Variants in PAN3 observed in about 807,000 individuals in gnomAD.
The protein encoded by PAN3 is poly(A) specific ribonuclease subunit PAN3, also known as PAN2-PAN3 deadenylation complex subunit PAN3.
PAN3 carries 19 observed loss-of-function variants against 96.2 expected under a neutral mutation model. That is an observed-to-expected ratio of 0.20 (90% CI 0.14 to 0.29). PAN3 has a LOEUF of 0.29. Ranked by LOEUF, PAN3 falls within the 10% of genes least tolerant of loss-of-function variation. The pLI is 1.00. For missense variants in PAN3, 882 were observed against 1,108.1 expected (o/e 0.80, Z 2.90); for synonymous variants, 433 against 406.6 (o/e 1.06, Z -0.78).
chr13:28,241,329 T>C (rs1466456309), intron 6 of PAN3, among the ~76,000 whole-genome samples: 1 of 152,218 alleles, frequency 6.6e-6, no homozygotes, highest in East Asian at 1.9e-4. Flanking sequence ...GCATATAGTA[T>C]ATAGTCATCT....
chr13:28,235,794 C>T (rs2138468005), intron 6 of PAN3, among the ~76,000 whole-genome samples: 1 of 151,634 alleles, frequency 6.6e-6, no homozygotes, highest in Non-Finnish European at 1.5e-5. Flanking sequence ...TCGATTGTAG[C>T]TCACTGCACC....
Position 28,292,525 on chromosome 13 carries a change from T to C in PAN3, c.*3T>C. 1 of 1,603,086 alleles carries C rather than the reference T, an allele frequency of 6.2e-7. No homozygotes were observed. The highest frequency in any genetic ancestry group is 8.5e-7 in the Non-Finnish European group (1 of 1,175,878). On this transcript the variant is annotated 3_prime_UTR_variant, in exon 19 of 19. Coordinates refer to ENST00000380958, the MANE Select transcript of PAN3 (RefSeq NM_175854.8). ...CAGCTGCAAATGGTCAGTTGTAGTA[T>C]TTGCTAAAAAAGCACGCAGGACATG... is the stretch of plus-strand genomic sequence containing the variant.
chr13:28,236,227 A>G (rs1883094848), intron 6 of PAN3, among the ~76,000 whole-genome samples: 1 of 152,156 alleles, frequency 6.6e-6, no homozygotes, highest in South Asian at 2.1e-4. Flanking sequence ...CGATATCTTC[A>G]ATTTTTAGAA....
At chr13:28,193,802 A>G (rs1291267501) in intron 4 of PAN3, among the ~76,000 whole-genome samples, 2 of 151,096 alleles carry the variant, frequency 1.3e-5, no homozygotes, top group African/African-American at 2.4e-5. Context: ...TTTTTTTTCA[A>G]TGTTGTTTAC....
At chr13:28,189,981 T>C (rs2138188272) in intron 4 of PAN3, among the ~76,000 whole-genome samples, 1 of 152,312 alleles carries the variant, frequency 6.6e-6, no homozygotes, top group African/African-American at 2.4e-5. Context: ...CTTGCTCTTA[T>C]CACCCAGGCT....
At chr13:28,280,639 G>A (rs1887397734) in intron 16 of PAN3, 98 bp downstream of exon 16, 7 of 1,111,098 alleles carry the variant, frequency 6.3e-6, no homozygotes, top group East Asian at 2.8e-5. Flanking sequence ...TCGGCTTACT[G>A]TAACCTCTGC....
chr13:28,265,633 T>C (rs1412841477), intron 9 of PAN3, among the ~76,000 whole-genome samples: 1 of 152,204 alleles, frequency 6.6e-6, no homozygotes, highest in Non-Finnish European at 1.5e-5. Flanking sequence ...ATTTTGAACC[T>C]GTCTTCTGGA....
At chr13:28,184,986 C>T (rs1450968781) in intron 4 of PAN3, among the ~76,000 whole-genome samples, 2 of 152,120 alleles carry the variant, frequency 1.3e-5, no homozygotes, top group Non-Finnish European at 2.9e-5. Context: ...TTCTCTCATA[C>T]TATGTTTAAA....
chr13:28,287,143 G>A (rs900897762), intron 17 of PAN3, among the ~76,000 whole-genome samples: 3 of 152,070 alleles, frequency 2.0e-5, no homozygotes, highest in Non-Finnish European at 4.4e-5. Context: ...GATCTCTGAC[G>A]AAGGAGCATC....
intron 1 of PAN3, among the ~76,000 whole-genome samples, chr13:28,160,949 T>C (rs1478481222): frequency 6.6e-6 from 1 of 152,236 alleles, no homozygotes; most frequent in Admixed American, 6.5e-5. Context: ...TTCAATGTTC[T>C]TTATGGAAAA....
intron 17 of PAN3, among the ~76,000 whole-genome samples, chr13:28,284,691 T>G (rs1011322629): frequency 6.6e-6 from 1 of 152,186 alleles, no homozygotes; most frequent in African/African-American, 2.4e-5. Flanking sequence ...ATCTAGCTTT[T>G]CCCCACTGGT....
At chr13:28,203,823 G>A (rs78936121) in intron 5 of PAN3, among the ~76,000 whole-genome samples, 1 of 101,100 alleles carries the variant, frequency 9.9e-6, no homozygotes, top group African/African-American at 3.7e-5. Flanking sequence ...TTTTTTTTTT[G>A]AGACGGAGTC....
intron 6 of PAN3, among the ~76,000 whole-genome samples, chr13:28,229,163 C>T (rs528477551): frequency 1.5e-4 from 23 of 152,210 alleles, no homozygotes; most frequent in Non-Finnish European, 3.4e-4. Flanking sequence ...TCCCAGCCTC[C>T]TTTAGAAGCA....
chr13:28,167,356 C>A (rs572962985), intron 1 of PAN3, among the ~76,000 whole-genome samples: 2 of 151,942 alleles, frequency 1.3e-5, no homozygotes, highest in African/African-American at 4.8e-5. Context: ...GATGGGGTTT[C>A]AACCATGTTG....
At chr13:28,209,415 G>A (rs902675731) in intron 5 of PAN3, among the ~76,000 whole-genome samples, 3 of 152,142 alleles carry the variant, frequency 2.0e-5, no homozygotes, top group African/African-American at 7.2e-5. Context: ...TACATAAATA[G>A]CAATTTAGTT....
At chr13:28,241,077 A>G (rs1883618380) in intron 6 of PAN3, among the ~76,000 whole-genome samples, 1 of 152,196 alleles carries the variant, frequency 6.6e-6, no homozygotes. Context: ...CCTGGGCAAC[A>G]TGTTGAGACC....
chr13:28,195,619 T>C (rs539011901), intron 4 of PAN3, among the ~76,000 whole-genome samples: 1 of 152,312 alleles, frequency 6.6e-6, no homozygotes, highest in Admixed American at 6.5e-5. Context: ...CACTGCAGTC[T>C]TTGCCTTCCA....
intron 6 of PAN3, among the ~76,000 whole-genome samples, chr13:28,235,282 AT>A (rs1882974915): frequency 6.6e-6 from 1 of 152,142 alleles, no homozygotes. Context: ...TCCCACCATT[AT>A]TTTCCATCCT....
intron 6 of PAN3, among the ~76,000 whole-genome samples, chr13:28,247,319 C>A (rs570057632): frequency 6.6e-6 from 1 of 151,658 alleles, no homozygotes; most frequent in South Asian, 2.1e-4. Context: ...TGTTTGAGTT[C>A]TTTATACTAA....
Sources: gnomAD v4.1 joint callset for allele counts (sites outside exome capture counted in the v4.1 genomes callset) on GRCh38, gnomAD v4.1.1 for gene constraint, MANE v1.5 for transcripts, NCBI Gene and HGNC (gene_info 2026-07-23, HGNC 2026-07-21) for gene names.